The following CHCHD6 variants were observed in gnomAD, a reference collection of about 807,000 sequenced individuals.
The protein encoded by CHCHD6 is coiled-coil-helix-coiled-coil-helix domain containing 6, also known as MICOS complex subunit MIC25.
CHCHD6 carries 28 observed loss-of-function variants against 32.3 expected under a neutral mutation model. That is an observed-to-expected ratio of 0.87 (90% CI 0.64 to 1.19). The LOEUF (loss-of-function observed/expected upper bound fraction) is 1.19, where lower values mean the gene tolerates loss of function less well. Ranked by LOEUF, CHCHD6 falls within the 50% of genes most tolerant of loss-of-function variation. The pLI is 0.00. For synonymous variants in CHCHD6, 122 were observed against 117.5 expected (o/e 1.04, Z -0.25); for missense variants, 333 against 307.0 (o/e 1.08, Z -0.63).
chr3:126,739,241 T>G (rs1249885369), intron 4 of CHCHD6, among the ~76,000 whole-genome samples: 1 of 152,248 alleles, frequency 6.6e-6, no homozygotes, highest in African/African-American at 2.4e-5. Flanking sequence ...TCTACTGAGC[T>G]TAGTCTTTTG....
intron 6 of CHCHD6, among the ~76,000 whole-genome samples, chr3:126,917,274 A>G (rs1161926652): frequency 6.6e-6 from 1 of 152,250 alleles, no homozygotes; most frequent in Admixed American, 6.5e-5. Flanking sequence ...CAAGTGAAGA[A>G]CTGAGGCTGG....
chr3:126,760,196 G>A (rs902766797), intron 4 of CHCHD6, among the ~76,000 whole-genome samples: 1 of 152,190 alleles, frequency 6.6e-6, no homozygotes, highest in African/African-American at 2.4e-5. Flanking sequence ...TCAGGTACCT[G>A]TTCCTTTTTG....
chr3:126,898,997 C>T (rs1295760393), intron 5 of CHCHD6, among the ~76,000 whole-genome samples: 5 of 152,194 alleles, frequency 3.3e-5, no homozygotes, highest in East Asian at 1.9e-4. Flanking sequence ...ATTTGGTTCC[C>T]GCAGGCAGTT....
At chr3:126,870,979 C>T (rs148704976) in intron 5 of CHCHD6, among the ~76,000 whole-genome samples, 59 of 152,304 alleles carry the variant, frequency 3.9e-4, no homozygotes, top group African/African-American at 1.2e-3. Context: ...CTGCAGCGAG[C>T]GAGTCTCTTT....
intron 4 of CHCHD6, among the ~76,000 whole-genome samples, chr3:126,819,913 C>G (rs929337556): frequency 6.6e-6 from 1 of 152,190 alleles, no homozygotes; most frequent in African/African-American, 2.4e-5. Flanking sequence ...ACTGAGGGAG[C>G]CTGGGAGGCT....
intron 5 of CHCHD6, among the ~76,000 whole-genome samples, chr3:126,863,004 C>T (rs1489292084): frequency 5.7e-4 from 29 of 50,932 alleles, no homozygotes; most frequent in Non-Finnish European, 9.3e-4. Flanking sequence ...CCATCACCAC[C>T]TCCTCCTCCA....
chr3:126,951,168 C>T (rs1239554967), intron 6 of CHCHD6, among the ~76,000 whole-genome samples: 1 of 152,212 alleles, frequency 6.6e-6, no homozygotes, highest in African/African-American at 2.4e-5. Flanking sequence ...GCTCTTCCCG[C>T]TTTGCATCTC....
chr3:126,766,033 T>G (rs1243165919), intron 4 of CHCHD6, among the ~76,000 whole-genome samples: 1 of 152,156 alleles, frequency 6.6e-6, no homozygotes, highest in Non-Finnish European at 1.5e-5. Flanking sequence ...TTTTTCTGAT[T>G]AAATGGCGAT....
chr3:126,712,591 T>C (rs1934800902), intron 1 of CHCHD6, among the ~76,000 whole-genome samples: 1 of 152,174 alleles, frequency 6.6e-6, no homozygotes, highest in African/African-American at 2.4e-5. Flanking sequence ...GTGCTGCCTT[T>C]TCCCTCTATT....
chr3:126,704,476 C>A, intron 1 of CHCHD6, 77 bp downstream of exon 1: 1 of 925,042 alleles, frequency 1.1e-6, no homozygotes, highest in Non-Finnish European at 1.5e-6. Context: ...GAGCGCAGGG[C>A]CGGGGCTCTT....
At chr3:126,817,462 C>T (rs929892971) in intron 4 of CHCHD6, among the ~76,000 whole-genome samples, 4 of 152,096 alleles carry the variant, frequency 2.6e-5, no homozygotes, top group Non-Finnish European at 4.4e-5. Flanking sequence ...CTGTGCATTT[C>T]CCTGCCCCAC....
intron 5 of CHCHD6, among the ~76,000 whole-genome samples, chr3:126,890,174 G>A (rs1268128744): frequency 2.0e-5 from 3 of 152,246 alleles, no homozygotes; most frequent in Non-Finnish European, 4.4e-5. Context: ...CGGCTGAGAG[G>A]AGTCTTGCTG....
intron 5 of CHCHD6, among the ~76,000 whole-genome samples, chr3:126,900,913 A>G (rs896758008): frequency 5.3e-5 from 8 of 152,160 alleles, no homozygotes; most frequent in Admixed American, 5.2e-4. Context: ...CAGGTGTGAC[A>G]CACTTTTAAA....
At chr3:126,759,033 G>C (rs1937068967) in intron 4 of CHCHD6, among the ~76,000 whole-genome samples, 1 of 152,204 alleles carries the variant, frequency 6.6e-6, no homozygotes, top group South Asian at 2.1e-4. Flanking sequence ...CAGCTCACCA[G>C]CGTGGTCAGG....
chr3:126,801,822 G>A (rs961122628), intron 4 of CHCHD6, among the ~76,000 whole-genome samples: 1 of 152,190 alleles, frequency 6.6e-6, no homozygotes, highest in African/African-American at 2.4e-5. Context: ...CCCAGTAGGG[G>A]CAGACTGACA....
intron 4 of CHCHD6, among the ~76,000 whole-genome samples, chr3:126,833,227 G>A (rs755752646): frequency 1.1e-4 from 16 of 152,108 alleles, no homozygotes; most frequent in Non-Finnish European, 2.2e-4. Context: ...GTTAGTTAAG[G>A]AGCCATATTA....
intron 5 of CHCHD6, among the ~76,000 whole-genome samples, chr3:126,896,752 G>C (rs1476432111): frequency 1.3e-5 from 2 of 152,204 alleles, no homozygotes; most frequent in Non-Finnish European, 2.9e-5. Flanking sequence ...AACCTCTGGA[G>C]GGGCAGGAGT....
intron 4 of CHCHD6, among the ~76,000 whole-genome samples, chr3:126,840,464 T>A (rs1356517196): frequency 6.6e-6 from 1 of 152,102 alleles, no homozygotes. Context: ...TAGATGAACA[T>A]ATTAAGAGGG....
At chr3:126,910,088 C>G (rs2107587582) in intron 5 of CHCHD6, among the ~76,000 whole-genome samples, 1 of 152,206 alleles carries the variant, frequency 6.6e-6, no homozygotes, top group East Asian at 1.9e-4. Flanking sequence ...ACCAGCCTGG[C>G]CAACATGGCG....
Sources: gnomAD v4.1 joint callset for allele counts (sites outside exome capture counted in the v4.1 genomes callset) on GRCh38, gnomAD v4.1.1 for gene constraint, MANE v1.5 for transcripts, NCBI Gene and HGNC (gene_info 2026-07-23, HGNC 2026-07-21) for gene names.